The following C1QTNF12 variants were observed in gnomAD, a reference collection of about 807,000 sequenced individuals.
C1QTNF12 encodes adipolin.
Under a neutral mutation model 34.3 loss-of-function variants are expected in C1QTNF12, and 39 were observed. That is an observed-to-expected ratio of 1.14 (90% CI 0.88 to 1.49). The LOEUF (loss-of-function observed/expected upper bound fraction) is 1.49. Among genes scored for constraint, C1QTNF12 ranks in the 40% most tolerant of loss-of-function variants. The pLI, the probability that C1QTNF12 is intolerant of heterozygous loss-of-function variation, is 0.00. For synonymous variants in C1QTNF12, 220 were observed against 196.9 expected, an observed-to-expected ratio of 1.12 and a Z score of -0.98; for missense variants, 497 against 424.7, an observed-to-expected ratio of 1.17 and a Z score of -1.50.
upstream of C1QTNF12, among the ~76,000 whole-genome samples, chr1:1,246,883 G>A (rs947719927): frequency 1.4e-4 from 21 of 152,098 alleles, no homozygotes; most frequent in African/African-American, 4.8e-4. The surrounding 1 kb of genome is among the most constrained non-coding windows in gnomAD (Gnocchi z 4.5). Flanking sequence ...TCCCGCTCCA[G>A]CCCCCGCTCC....
chr1:1,244,156 C>T (rs1292821563), intron 3 of C1QTNF12, 35 bp downstream of exon 3: 1 of 1,559,214 alleles, frequency 6.4e-7, no homozygotes, highest in East Asian at 2.3e-5. Flanking sequence ...AGGGCCCAGG[C>T]ACGTCTGGTC....
In C1QTNF12 at chr1:1,243,116, G is replaced by T; in HGVS notation, c.677C>A (p.Ala226Asp). Residue 226 changes from alanine to aspartate, a missense_variant, in exon 6 of 8, where the codon GCC becomes GAC. Coordinates refer to ENST00000330388, the MANE Select transcript of C1QTNF12 (RefSeq NM_001014980.3). The part of the protein sequence containing the change: ...SELQGKARLR[A>D]RDVVCVLICI... ...GATGAGAACACACACCACGTCCCGG[G>T]CCCGCAGCCGGGCCTTGCCCTGCAG... 1 of 1,575,882 alleles carries T rather than the reference G, an allele frequency of 6.3e-7. No homozygotes were observed. The highest frequency in any genetic ancestry group is 1.4e-5 in the African/African-American group (1 of 73,602).
chr1:1,247,091 TC>T (rs1283105577), upstream of C1QTNF12, among the ~76,000 whole-genome samples: 1 of 151,716 alleles, frequency 6.6e-6, no homozygotes, highest in East Asian at 1.9e-4. Flanking sequence ...TTGCCTCCCG[TC>T]CCCAGACCCC....
chr1:1,245,901 C>T (rs1638880847), intron 1 of C1QTNF12, among the ~76,000 whole-genome samples: 1 of 152,228 alleles, frequency 6.6e-6, no homozygotes, highest in Non-Finnish European at 1.5e-5. Flanking sequence ...GCAGCAAGAC[C>T]TGCCCTCCAA....
upstream of C1QTNF12, chr1:1,246,771 C>G: frequency 9.4e-7 from 1 of 1,066,648 alleles, no homozygotes; most frequent in Non-Finnish European, 1.2e-6. The surrounding 1 kb of genome is among the most constrained non-coding windows in gnomAD (Gnocchi z 4.5). Flanking sequence ...TCAGAGCCCC[C>G]GCGCGGGGGC....
In C1QTNF12 at chr1:1,242,705, C is replaced by T. The variant is rs947865154; in HGVS notation, c.811-59G>A. On this transcript the variant is annotated intron_variant, in intron 7 of 7. Coordinates refer to ENST00000330388, the MANE Select transcript of C1QTNF12 (RefSeq NM_001014980.3). ...CACAGCCCAGCCACTCGGTGGCCAA[C>T]GTCTGCCCACCTGCCCTGCGCTAGG... is the stretch of plus-strand genomic sequence containing the variant. 50 of 1,551,260 alleles carry T rather than the reference C, an allele frequency of 3.2e-5. No homozygotes were observed. The African/African-American group carries it at 5.7e-4, about 18-fold the overall frequency.
At position 1,246,434 on chromosome 1, in the gene C1QTNF12, G is replaced by C. The variant is rs1461617902; in HGVS notation, c.177+80C>G. 3 of 1,161,392 alleles carry C rather than the reference G, an allele frequency of 2.6e-6. No homozygotes were observed. Among genetic ancestry groups the C allele is most frequent in the Non-Finnish European group, 2.2e-6 (2 of 924,750 alleles). 71.9% of individuals were successfully genotyped at this position (1,161,392 alleles called of 1,614,324 possible). ...CCCGGAGGCAGAGCCGGCAGGGACA[G>C]AGCCTGCTGGGGGAGGACGCCCCAG... On this transcript the variant is annotated intron_variant, in intron 1 of 7. Transcript: ENST00000330388. The surrounding 1 kb of genome is among the most constrained non-coding windows in gnomAD (Gnocchi z 4.5).
In C1QTNF12 at chr1:1,242,533, C is replaced by A. The variant is rs1398467157; in HGVS notation, c.*15G>T. 3 of 1,546,070 alleles carry A rather than the reference C, an allele frequency of 1.9e-6. No individual in the cohort carries two copies. Among genetic ancestry groups the A allele is most frequent in the Non-Finnish European group, 2.6e-6 (3 of 1,143,798 alleles). ...GGATCCGGCGGCAGCTCCTCGCCAG[C>A]CCCCCTGGGCGCCCTCACGTGCCCA... On this transcript the variant is annotated 3_prime_UTR_variant, in exon 8 of 8. Coordinates refer to ENST00000330388, the MANE Select transcript of C1QTNF12 (RefSeq NM_001014980.3).
Position 1,243,463 on chromosome 1 carries a change from G to C in C1QTNF12, c.621C>G (p.Phe207Leu). Residue 207 changes from phenylalanine (F) to leucine (L), a missense_variant, in exon 5 of 8, where the codon TTC becomes TTG. Coordinates refer to ENST00000330388, the MANE Select transcript of C1QTNF12 (RefSeq NM_001014980.3). The stretch of plus-strand genomic sequence containing the variant: ...GCTCACCCACGTGCAGACTGGCAGA[G>C]AACTGGAAGATGCCGGACACGGGGG... ...FTAPVSGIFQ[F>L]SASLHVDHSE... 1 of 1,557,888 alleles carries C rather than the reference G, an allele frequency of 6.4e-7. No homozygotes were observed. Among genetic ancestry groups the C allele is most frequent in the East Asian group, 2.4e-5 (1 of 41,374 alleles).
intron 4 of C1QTNF12, 96 bp from the exon 5 acceptor site, chr1:1,243,648 T>G (rs1323775407): frequency 3.8e-6 from 4 of 1,039,524 alleles, no homozygotes; most frequent in Non-Finnish European, 5.7e-6. Context: ...AGCCCCTCAC[T>G]CGGAGCAGCT....
chr1:1,246,411 C>G lies in C1QTNF12; in HGVS notation c.177+103G>C. ...GGCCGAGGCCTCGAAAAGGGCGACC[C>G]GGAGGCAGAGCCGGCAGGGACAGAG... On this transcript the variant is annotated intron_variant, in intron 1 of 7. Transcript: ENST00000330388. The surrounding 1 kb of genome is among the most constrained non-coding windows in gnomAD (Gnocchi z 4.5). 3.8e-6 allele frequency: 4 copies of G among 1,043,444 alleles called. No homozygotes were observed. The highest frequency in any genetic ancestry group is 4.9e-6 in the Non-Finnish European group (4 of 817,680). The allele number at this position is 1,043,444 out of a possible 1,614,324, so 64.6% of individuals were successfully genotyped here.
At position 1,246,167 on chromosome 1, in the gene C1QTNF12, C is replaced by T. The variant is rs1384325735; in HGVS notation, c.177+347G>A. 6.8e-6 allele frequency among the ~76,000 whole-genome samples: 1 copy of T among 146,594 alleles called. No homozygotes were observed. Among genetic ancestry groups the T allele is most frequent in the South Asian group, 2.3e-4 (1 of 4,396 alleles). On this transcript the variant is annotated intron_variant, in intron 1 of 7. Coordinates refer to ENST00000330388, the MANE Select transcript of C1QTNF12 (RefSeq NM_001014980.3). This position sits in a 1 kb window ranked among gnomAD's most constrained non-coding sequence, Gnocchi z 4.5. ...CCAGCAAGCAGCCGGAACCACCCCA[C>T]CCCCGCCCCCAAATCAGCAATTAAC...
rs1638812017 is a variant in C1QTNF12 at position 1,244,011 on chromosome 1, C to T, written c.474G>A (p.Leu158=). 1.2e-6 allele frequency: 2 copies of T among 1,602,014 alleles called. No homozygotes were observed. The highest frequency in any genetic ancestry group is 2.3e-5 in the East Asian group (1 of 44,216). Residue 158 remains leucine (L), a synonymous_variant, in exon 4 of 8, where the codon CTG becomes CTA. Transcript: ENST00000330388. ...GCTTGTCCACCCGGCGGGGACCCTG[C>T]AGCCGGCAGTGAAAGGCCTCGCCCA... The part of the protein sequence containing the change: ...RLVGEAFHCR[L]QGPRRVDKRT...
chr1:1,244,502 AGGGAC>A lies in C1QTNF12; in HGVS notation c.178-10_178-6del. ...AGGTCCTGAGGCCTGGGATGGCTGAAGGGACGGGACGGGGCTAGCGCACTGAGGCT... is the reference window on the plus strand; with the variant it reads ...AGGTCCTGAGGCCTGGGATGGCTGAAGGGACGGGGCTAGCGCACTGAGGCT... On this transcript the variant is annotated splice_polypyrimidine_tract_variant and splice_region_variant and intron_variant, in intron 1 of 7. Transcript: ENST00000330388. The A allele has an allele frequency of 6.2e-7, 1 of 1,604,036 alleles. No homozygotes were observed. Among genetic ancestry groups the A allele is most frequent in the African/African-American group, 1.3e-5 (1 of 74,804 alleles).
At position 1,243,472 on chromosome 1, in the gene C1QTNF12, G is replaced by A. The variant is rs1221921605; in HGVS notation, c.612C>T (p.Ile204=). ...SGRFTAPVSG[I]FQFSASLHVD... ...CGTGCAGACTGGCAGAGAACTGGAA[G>A]ATGCCGGACACGGGGGCCGTGAACC... is the stretch of plus-strand genomic sequence containing the variant. Residue 204 remains isoleucine, a synonymous_variant, in exon 5 of 8, where the codon ATC becomes ATT. Transcript: ENST00000330388. 2.6e-6 allele frequency: 4 copies of A among 1,559,478 alleles called. No individual in the cohort carries two copies. Among genetic ancestry groups the A allele is most frequent in the Non-Finnish European group, 3.5e-6 (4 of 1,151,736 alleles).
At chr1:1,243,829 C>A in intron 4 of C1QTNF12, 125 bp downstream of exon 4, 5 of 1,307,950 alleles carry the variant, frequency 3.8e-6, no homozygotes, top group Middle Eastern at 2.7e-4. Flanking sequence ...GCCCCTCGCC[C>A]TCCGAGCCCC....
Position 1,244,026 on chromosome 1 carries a change from G to A in C1QTNF12, c.459C>T (p.Ala153=). The change falls in exon 4 of 8, where the codon GCC becomes GCT. Residue 153 remains alanine (A), a synonymous_variant. Coordinates refer to ENST00000330388, the MANE Select transcript of C1QTNF12 (RefSeq NM_001014980.3). ...GGGGACCCTGCAGCCGGCAGTGAAA[G>A]GCCTCGCCCACCAGCCGCAGGCCCG... ...QGAGLRLVGE[A]FHCRLQGPRR... The A allele has an allele frequency of 6.3e-7, 1 of 1,597,926 alleles. No homozygotes were observed. The highest frequency in any genetic ancestry group is 8.5e-7 in the Non-Finnish European group (1 of 1,173,968).
At position 1,244,104 on chromosome 1, in the gene C1QTNF12, C is replaced by A; in HGVS notation, c.381G>T (p.Glu127Asp). The change falls in exon 4 of 8, where the codon GAG becomes GAT. Residue 127 changes from glutamate (E) to aspartate (D), a missense_variant and splice_region_variant. Physicochemically the swap from Glu to Asp is conservative, Grantham distance 45. Transcript: ENST00000330388. ...LLHEFQELLK[E>D]ATERRFSGLL... ...GCCCTGAGAACCGGCGCTCCGTGGCCTCTGTGGGGAGGAGGGCACAGGCGG... is the reference window on the plus strand; with the variant it reads ...GCCCTGAGAACCGGCGCTCCGTGGCATCTGTGGGGAGGAGGGCACAGGCGG... 1.3e-6 allele frequency: 2 copies of A among 1,578,140 alleles called. No homozygotes were observed. Among genetic ancestry groups the A allele is most frequent in the Non-Finnish European group, 1.7e-6 (2 of 1,162,224 alleles).
chr1:1,243,335 G>A (rs1351708530), intron 5 of C1QTNF12, 109 bp downstream of exon 5: 2 of 1,145,870 alleles, frequency 1.7e-6, no homozygotes, highest in Non-Finnish European at 2.5e-6. Flanking sequence ...CATGGGGCAG[G>A]GGATAGGTCC....
Sources: allele counts gnomAD v4.1 joint callset (sites outside exome capture counted in the v4.1 genomes callset), GRCh38; gene constraint gnomAD v4.1.1; non-coding constraint Gnocchi (gnomAD v3.1); transcripts MANE v1.5; gene names NCBI Gene and HGNC (gene_info 2026-07-23, HGNC 2026-07-21).